ITGB1BP1: variants seen among roughly 807,000 people sequenced by gnomAD.
The protein encoded by ITGB1BP1 is integrin subunit beta 1 binding protein 1, also known as integrin beta-1-binding protein 1.
A neutral mutation model predicts 28.0 loss-of-function variants in ITGB1BP1; 20 were observed. That is an observed-to-expected ratio of 0.71 (90% confidence interval 0.50 to 1.04). The LOEUF (loss-of-function observed/expected upper bound fraction) is 1.04, where lower values mean the gene tolerates loss of function less well. Ranked by LOEUF, ITGB1BP1 falls within the 50% of genes least tolerant of loss-of-function variation. The pLI is 0.00. For synonymous variants in ITGB1BP1, 103 were observed against 89.5 expected (o/e 1.15, Z -0.85); for missense variants, 228 against 242.5 (o/e 0.94, Z 0.40).
intron 1 of ITGB1BP1, 130 bp downstream of exon 1, chr2:9,423,243 C>G: frequency 3.5e-6 from 4 of 1,140,856 alleles, no homozygotes; most frequent in Non-Finnish European, 4.4e-6. Flanking sequence ...AGCCCGAGCC[C>G]AGGCATCCCT....
chr2:9,418,399 T>G (rs1679402117), intron 2 of ITGB1BP1, among the ~76,000 whole-genome samples: 1 of 152,230 alleles, frequency 6.6e-6, no homozygotes, highest in African/African-American at 2.4e-5. Flanking sequence ...TCATAGGTCA[T>G]GTCCCATCTA....
chr2:9,422,996 AG>A, intron 1 of ITGB1BP1: 1 of 988,274 alleles, frequency 1.0e-6, no homozygotes, highest in Non-Finnish European at 1.2e-6. Context: ...GCACCTTCCA[AG>A]CGCTGGGTGC....
chr2:9,418,130 GA>G (rs1308660271), intron 2 of ITGB1BP1, among the ~76,000 whole-genome samples: 1 of 152,182 alleles, frequency 6.6e-6, no homozygotes, highest in Non-Finnish European at 1.5e-5. Flanking sequence ...CAGTCAAAAT[GA>G]AATCACTTTA....
chr2:9,423,274 C>A, intron 1 of ITGB1BP1, 99 bp downstream of exon 1: 1 of 1,191,524 alleles, frequency 8.4e-7, no homozygotes. Flanking sequence ...CCCCGCGGCC[C>A]CACCCATCCT....
In ITGB1BP1 at chr2:9,404,760, A is replaced by G. The variant is rs1270233477; in HGVS notation, c.*2074T>C. 6.7e-6 allele frequency: 1 copy of G among 148,556 alleles called. No individual in the cohort carries two copies. The highest frequency in any genetic ancestry group is 6.7e-5 in the Admixed American group (1 of 14,904). The allele number at this position is 148,556 out of a possible 1,614,324, so 9.2% of individuals were successfully genotyped here. A position where few individuals can be genotyped will look rare whatever the true frequency, so the allele number is the denominator to read the frequency against. The stretch of plus-strand genomic sequence containing the variant: ...GAGTTTTTTTTTTTTTTGGCATTGT[A>G]CTTTTTGTTTTTGTTATAAAGGAAG... On this transcript the variant is annotated 3_prime_UTR_variant, in exon 7 of 7. Coordinates refer to ENST00000355346, the MANE Select transcript of ITGB1BP1 (RefSeq NM_004763.5).
At chr2:9,410,647 C>T (rs1678246666) in intron 4 of ITGB1BP1, among the ~76,000 whole-genome samples, 1 of 152,170 alleles carries the variant, frequency 6.6e-6, no homozygotes, top group Non-Finnish European at 1.5e-5. Flanking sequence ...GCCATATTGG[C>T]CAGGCTGGTC....
chr2:9,418,156 A>G (rs1388049015), intron 2 of ITGB1BP1, among the ~76,000 whole-genome samples: 2 of 152,232 alleles, frequency 1.3e-5, no homozygotes, highest in African/African-American at 4.8e-5. Flanking sequence ...TTGAGACAAA[A>G]GTTGCCAGTT....
rs1452702963 is a variant in ITGB1BP1, at chr2:9,405,120, AT to A, written c.*1713del. 6.6e-6 allele frequency: 1 copy of A among 152,340 alleles called. No homozygotes were observed. Among genetic ancestry groups the A allele is most frequent in the African/African-American group, 2.4e-5 (1 of 41,426 alleles). 9.4% of individuals were successfully genotyped at this position (152,340 alleles called of 1,614,324 possible). A position where few individuals can be genotyped will look rare whatever the true frequency, so the allele number is the denominator to read the frequency against. On this transcript the variant is annotated 3_prime_UTR_variant, in exon 7 of 7. Transcript: ENST00000355346. The stretch of plus-strand genomic sequence containing the variant: ...ACATTAGAACTCCAGTCCCAAACTA[AT>A]CTGTCAGGTTCACTGGTACATAAAT...
rs572517590 is a variant in ITGB1BP1, at chr2:9,403,689, G to T, written c.*3145C>A. The T allele has an allele frequency of 4.1e-5, 8 of 195,898 alleles. No homozygotes were observed. Among genetic ancestry groups the T allele is most frequent in the Non-Finnish European group, 6.3e-5 (6 of 95,856 alleles). 12.1% of individuals were successfully genotyped at this position (195,898 alleles called of 1,614,324 possible). ...CTGCATTCCTTGGCCCAGTTCTGGA[G>T]TTGGTGACCTTTATCACAATTATTA... On this transcript the variant is annotated 3_prime_UTR_variant, in exon 7 of 7. Coordinates refer to ENST00000355346, the MANE Select transcript of ITGB1BP1 (RefSeq NM_004763.5).
At chr2:9,408,402 T>G in intron 4 of ITGB1BP1, 197 bp from the exon 5 acceptor site, 1 of 536,956 alleles carries the variant, frequency 1.9e-6, no homozygotes, top group Non-Finnish European at 3.3e-6. Flanking sequence ...TTATTTTTAT[T>G]TTTGAGACAG....
chr2:9,409,026 C>T (rs1677950223), intron 4 of ITGB1BP1, among the ~76,000 whole-genome samples: 1 of 152,248 alleles, frequency 6.6e-6, no homozygotes, highest in South Asian at 2.1e-4. Context: ...GGTGATGCCA[C>T]GCCTCAGGGC....
chr2:9,406,837 G>C lies in ITGB1BP1; in HGVS notation c.600C>G (p.Pro200=). The part of the protein sequence containing the change: ...AFDSVLTSEK[P] ...GACTTCTACTTGATTGCAGGATTCA[G>C]GGTTTCTCAGATGTTAATACAGAGT... The change falls in exon 7 of 7, where the codon CCC becomes CCG. Residue 200 remains proline (P), a synonymous_variant. Transcript: ENST00000355346. 1 of 1,608,172 alleles carries C rather than the reference G, an allele frequency of 6.2e-7. No homozygotes were observed. Among genetic ancestry groups the C allele is most frequent in the Middle Eastern group, 1.7e-4 (1 of 6,052 alleles).
At position 9,407,018 on chromosome 2, in the gene ITGB1BP1, G is replaced by A. The variant is rs149981581; in HGVS notation, c.532-113C>T. The A allele has an allele frequency of 1.4e-4, 105 of 773,514 alleles. 2 individuals carry two copies. Among genetic ancestry groups the A allele is most frequent in the South Asian group, 6.6e-4 (45 of 67,890 alleles). 47.9% of individuals were successfully genotyped at this position (773,514 alleles called of 1,614,324 possible). On this transcript the variant is annotated intron_variant, in intron 6 of 6. Transcript: ENST00000355346. ...TCTTAAGACCTCTCCTAAGCAAGCC[G>A]ACCACACATGCCTGCCTGGGTCAGT...
In ITGB1BP1 at chr2:9,408,136, T is replaced by C. The variant is rs747165851; in HGVS notation, c.358A>G (p.Lys120Glu). ...ACATATTGATCTGATGTTGATACTTTTATGCCATACTTGGAAACTCCCATA... is the reference window on the plus strand; with the variant it reads ...ACATATTGATCTGATGTTGATACTTCTATGCCATACTTGGAAACTCCCATA... The part of the protein sequence containing the change: ...FIMGVSKYGI[K>E]VSTSDQYDVL... The change falls in exon 5 of 7, where the codon AAA becomes GAA. Residue 120 changes from lysine to glutamate, a missense_variant. By Grantham distance (56) the Lys-to-Glu change is moderately conservative (BLOSUM62 1). Around this residue, in one of 2 missense-constraint regions of ITGB1BP1, gnomAD observed 192 missense variants for 181.6 expected, o/e 1.06. Transcript: ENST00000355346. 2 of 1,574,384 alleles carry C rather than the reference T, an allele frequency of 1.3e-6. No homozygotes were observed. The highest frequency in any genetic ancestry group is 2.2e-5 in the South Asian group (2 of 90,170).
chr2:9,414,486 G>A (rs538214482), intron 2 of ITGB1BP1, among the ~76,000 whole-genome samples: 19 of 151,982 alleles, frequency 1.3e-4, no homozygotes, highest in African/African-American at 3.1e-4. Flanking sequence ...ACATAATATC[G>A]GATAAATGCG....
chr2:9,412,522 A>AT, intron 3 of ITGB1BP1, 117 bp from the exon 4 acceptor site: 1 of 782,248 alleles, frequency 1.3e-6, no homozygotes, highest in East Asian at 2.6e-5. Flanking sequence ...CTAATTACAA[A>AT]TTTTATAATA....
intron 1 of ITGB1BP1, among the ~76,000 whole-genome samples, chr2:9,421,345 AG>A (rs1182959758): frequency 6.6e-6 from 1 of 152,156 alleles, no homozygotes; most frequent in African/African-American, 2.4e-5. Context: ...CATTTATTAA[AG>A]TCTTTGATAT....
rs536864396 is a variant in ITGB1BP1, at chr2:9,422,645, T to C, written c.-36+728A>G. On this transcript the variant is annotated intron_variant, in intron 1 of 6. Transcript: ENST00000355346. Reference sequence around the variant, plus strand: ...CAAAGGCGGAGCTCGGTGACTCCTCTGCATTGCCAGGGCGCCTGGCAGGGG... The same window carrying C: ...CAAAGGCGGAGCTCGGTGACTCCTCCGCATTGCCAGGGCGCCTGGCAGGGG... 19 of 985,604 alleles carry C rather than the reference T, an allele frequency of 1.9e-5. No homozygotes were observed. In the South Asian group the frequency reaches 7.5e-4, roughly 39 times the overall value. The allele number at this position is 985,604 out of a possible 1,614,324, so 61.1% of individuals were successfully genotyped here. A position where few individuals can be genotyped will look rare whatever the true frequency, so the allele number is the denominator to read the frequency against.
Position 9,406,699 on chromosome 2 carries a change from AGCATTT to A in ITGB1BP1, c.*129_*134del, listed in dbSNP as rs1469658218. 3.0e-6 allele frequency: 2 copies of A among 677,004 alleles called. No individual in the cohort carries two copies. The highest frequency in any genetic ancestry group is 5.4e-6 in the Non-Finnish European group (2 of 371,558). The allele number at this position is 677,004 out of a possible 1,614,324, so 41.9% of individuals were successfully genotyped here. A position where few individuals can be genotyped will look rare whatever the true frequency, so the allele number is the denominator to read the frequency against. On this transcript the variant is annotated 3_prime_UTR_variant, in exon 7 of 7. Coordinates refer to ENST00000355346, the MANE Select transcript of ITGB1BP1 (RefSeq NM_004763.5). ...GACACATTTTAATAAACAAATGATC[AGCATTT>A]TACACAATCCATTTTCTTCAGAAAA... is the stretch of plus-strand genomic sequence containing the variant.
Sources: gnomAD v4.1 joint callset for allele counts (sites outside exome capture counted in the v4.1 genomes callset) on GRCh38, gnomAD v4.1.1 for gene constraint, gnomAD v4.1.1 regional missense constraint, MANE v1.5 for transcripts, NCBI Gene and HGNC (gene_info 2026-07-23, HGNC 2026-07-21) for gene names.